Variants in REN observed in about 807,000 individuals in gnomAD.
REN encodes angiotensin-forming enzyme.
In REN, 42 loss-of-function variants were observed where a neutral mutation model predicts 48.6. That is an observed-to-expected ratio of 0.86 (90% CI 0.68 to 1.12). The LOEUF is 1.12. REN is among the 50% of genes most tolerant of loss of function. The pLI is 0.00. For synonymous variants in REN, 196 were observed against 204.6 expected, an observed-to-expected ratio of 0.96 and a Z score of 0.36; for missense variants, 443 against 527.3, an observed-to-expected ratio of 0.84 and a Z score of 1.57.
rs1372585009 is a variant in REN at position 204,154,988 on chromosome 1, G to A, written c.*28C>T. ...TTCCAGCTCTGGGCCAGGGCTGAAG[G>A]CAGGGCCTGCCTGGGTGGCAGAGGG... On this transcript the variant is annotated 3_prime_UTR_variant, in exon 10 of 10. Coordinates refer to ENST00000272190, the MANE Select transcript of REN (RefSeq NM_000537.4). 2.5e-6 allele frequency: 4 copies of A among 1,612,502 alleles called. No homozygotes were observed. The South Asian group carries it at 4.4e-5, about 18-fold the overall frequency.
rs1023420077 is a variant in REN at position 204,155,800 on chromosome 1, G to A, written c.1059+20C>T. 4 of 1,592,144 alleles carry A rather than the reference G, an allele frequency of 2.5e-6. No homozygotes were observed. The highest frequency in any genetic ancestry group is 2.6e-6 in the Non-Finnish European group (3 of 1,161,990). Reference sequence around the variant, plus strand: ...TCCAGCCTTTCTCCCTGCCACCGAGGGGGCCGACTCGAACCTCACCTGAAA... The same window carrying A: ...TCCAGCCTTTCTCCCTGCCACCGAGAGGGCCGACTCGAACCTCACCTGAAA... On this transcript the variant is annotated intron_variant, in intron 9 of 9. Transcript: ENST00000272190.
rs1280455872 is a variant in REN at position 204,161,361 on chromosome 1, C to T, written c.304G>A (p.Val102Ile). The change falls in exon 3 of 10, where the codon GTC becomes ATC. Residue 102 changes from valine to isoleucine, a missense_variant. Physicochemically the swap from Val to Ile is conservative, Grantham distance 29 (BLOSUM62 3). Coordinates refer to ENST00000272190, the MANE Select transcript of REN (RefSeq NM_000537.4). ...IGTPPQTFKVVFDTGSSNVWV... is the reference protein window; with the variant it reads ...IGTPPQTFKVIFDTGSSNVWV... ...ACATTGGACGAACCAGTGTCAAAGA[C>T]GACTTTGAAGGTCTGGGGTGGGGTG... 1.7e-5 allele frequency: 28 copies of T among 1,607,580 alleles called. No homozygotes were observed. The highest frequency in any genetic ancestry group is 6.7e-5 in the East Asian group (3 of 44,656).
chr1:204,161,241 C>A (rs762703561), intron 3 of REN, 51 bp downstream of exon 3: 1 of 1,539,016 alleles, frequency 6.5e-7, no homozygotes, highest in Admixed American at 1.9e-5. Context: ...ATTGCTCATG[C>A]ACAGTAGGGC....
chr1:204,163,060 G>C (rs893336018), intron 1 of REN, among the ~76,000 whole-genome samples: 1 of 152,162 alleles, frequency 6.6e-6, no homozygotes, highest in Non-Finnish European at 1.5e-5. Context: ...TCCCATATAG[G>C]GTCCCCTGGG....
Position 204,161,421 on chromosome 1 carries a change from G to A in REN, c.250-6C>T, listed in dbSNP as rs376229422. ...ATCTCGCCATAGTACTGGGTCTGTG[G>A]GGGTAAAAAGAGAGGGCTGGAGGGG... On this transcript the variant is annotated splice_region_variant and splice_polypyrimidine_tract_variant and intron_variant, in intron 2 of 9. Transcript: ENST00000272190. The A allele has an allele frequency of 4.2e-5, 65 of 1,540,628 alleles. No homozygotes were observed. The highest frequency in any genetic ancestry group is 6.9e-5 in the African/African-American group (5 of 72,638).
At chr1:204,163,607 A>C (rs1658287688) in intron 1 of REN, among the ~76,000 whole-genome samples, 1 of 151,574 alleles carries the variant, frequency 6.6e-6, no homozygotes, top group African/African-American at 2.4e-5. Flanking sequence ...CCAGTTCTTT[A>C]GTCCTCCAAG....
chr1:204,156,879 G>C lies in REN; in HGVS notation c.699-83C>G. 1 of 1,562,712 alleles carries C rather than the reference G, an allele frequency of 6.4e-7. No homozygotes were observed. Among genetic ancestry groups the C allele is most frequent in the Non-Finnish European group, 8.7e-7 (1 of 1,143,310 alleles). On this transcript the variant is annotated intron_variant, in intron 6 of 9. Coordinates refer to ENST00000272190, the MANE Select transcript of REN (RefSeq NM_000537.4). This position sits in a 1 kb window ranked among gnomAD's most constrained non-coding sequence, Gnocchi z 4.2. The stretch of plus-strand genomic sequence containing the variant: ...GGCAATTGGGGAAGGTTGCACAAGG[G>C]TGCAGGGGAGGACAGAGGGCTCTAG...
rs1369891725 is a variant in REN at position 204,159,437 on chromosome 1, C to T, written c.651G>A (p.Gly217=). The change falls in exon 5 of 10, where the codon GGG becomes GGA. Residue 217 remains glycine, a synonymous_variant. Transcript: ENST00000272190. The part of the protein sequence containing the change: ...TPIFDNIISQ[G]VLKEDVFSFY... ...AAGAGAAGACGTCCTCTTTTAGCAC[C>T]CCTTGGGAGATGATGTTGTCGAAGA... The T allele has an allele frequency of 6.2e-7, 1 of 1,614,122 alleles. No homozygotes were observed. The highest frequency in any genetic ancestry group is 8.5e-7 in the Non-Finnish European group (1 of 1,180,032).
rs756902330 is a variant in REN at position 204,159,390 on chromosome 1, A to C, written c.689+9T>G. The C allele has an allele frequency of 5.6e-6, 9 of 1,612,438 alleles. No homozygotes were observed. Among genetic ancestry groups the C allele is most frequent in the Non-Finnish European group, 1.7e-6 (2 of 1,179,240 alleles). On this transcript the variant is annotated intron_variant, in intron 5 of 9. Transcript: ENST00000272190. ...CCCCCACCTCAGCCCTTGGAGTCCCAGTCCCCACCTGTTGTAGTAGAAAGA... is the reference window on the plus strand; with the variant it reads ...CCCCCACCTCAGCCCTTGGAGTCCCCGTCCCCACCTGTTGTAGTAGAAAGA...
At chr1:204,164,909 G>A (rs1044106015) in intron 1 of REN, among the ~76,000 whole-genome samples, 10 of 151,808 alleles carry the variant, frequency 6.6e-5, no homozygotes, top group Admixed American at 5.9e-4. Flanking sequence ...CACAAGGCCT[G>A]GCACCTAGGG....
intron 6 of REN, 115 bp downstream of exon 6, chr1:204,157,246 T>G (rs1658166446): frequency 7.3e-7 from 1 of 1,370,104 alleles, no homozygotes; most frequent in Admixed American, 1.7e-5. Flanking sequence ...CTTCGGCATC[T>G]AGCGGAGGCT....
rs367805555 is a variant in REN, at chr1:204,160,573, T to C, written c.479A>G (p.Gln160Arg). The change falls in exon 4 of 10, where the codon CAG (glutamine) becomes CGG (arginine). Residue 160 changes from glutamine to arginine, a missense_variant. Physicochemically the swap from Gln to Arg is conservative, Grantham distance 43 (BLOSUM62 1). Coordinates refer to ENST00000272190, the MANE Select transcript of REN (RefSeq NM_000537.4). ...STGTVSGFLS[Q>R]DIITVGGITV... ...GGCCCAACTTACGGTGATGATGTCC[T>C]GGCTGAGAAAGCCACTGACTGTCCC... 103 of 1,613,434 alleles carry C rather than the reference T, an allele frequency of 6.4e-5. No homozygotes were observed. The highest frequency in any genetic ancestry group is 8.4e-5 in the Non-Finnish European group (99 of 1,179,420).
intron 1 of REN, among the ~76,000 whole-genome samples, chr1:204,165,434 A>T (rs984925197): frequency 1.6e-4 from 25 of 152,210 alleles, no homozygotes; most frequent in Non-Finnish European, 3.2e-4. Flanking sequence ...ATAAACTGAG[A>T]CTTGGAGAGG....
rs753232462 is a variant in REN at position 204,155,025 on chromosome 1, C to T, written c.1212G>A (p.Leu404=). 3.0e-5 allele frequency: 48 copies of T among 1,613,896 alleles called. No homozygotes were observed. In the South Asian group the frequency reaches 5.2e-4, roughly 17 times the overall value. Residue 404 remains leucine (L), a synonymous_variant, in exon 10 of 10, where the codon TTG becomes TTA. Transcript: ENST00000272190. ...TGGGTGGCAGAGGGCCTCAGCGGGC[C>T]AAGGCGAAGCCAATGCGGTTGTTAC... The part of the protein sequence containing the change: ...DRRNNRIGFA[L]AR
intron 9 of REN, among the ~76,000 whole-genome samples, chr1:204,155,391 A>G (rs964605578): frequency 2.0e-5 from 3 of 152,182 alleles, no homozygotes; most frequent in Non-Finnish European, 4.4e-5. Flanking sequence ...CCAGGCAAAC[A>G]ATGCATCAGG....
At chr1:204,159,830 T>TG (rs1306409366) in intron 4 of REN, among the ~76,000 whole-genome samples, 2 of 151,782 alleles carry the variant, frequency 1.3e-5, no homozygotes, top group Non-Finnish European at 2.9e-5. Context: ...GCTGAGAGGG[T>TG]GGTCCTGCCA....
At chr1:204,161,158 T>G (rs775169823) in intron 3 of REN, 134 bp downstream of exon 3, 5 of 1,010,524 alleles carry the variant, frequency 4.9e-6, no homozygotes, top group Non-Finnish European at 7.1e-6. Context: ...CCCCTACATG[T>G]CAGTGGGCAC....
chr1:204,160,354 G>A (rs759458661), intron 4 of REN, among the ~76,000 whole-genome samples: 1 of 152,310 alleles, frequency 6.6e-6, no homozygotes, highest in African/African-American at 2.4e-5. Context: ...ACCACCCAAC[G>A]GTGAGCCCGT....
At chr1:204,166,006 T>C (rs1658343070) in intron 1 of REN, among the ~76,000 whole-genome samples, 190 bp downstream of exon 1, 1 of 152,196 alleles carries the variant, frequency 6.6e-6, no homozygotes, top group African/African-American at 2.4e-5. Context: ...GAAGCAAAAG[T>C]CACAGCTTCT....
Sources: allele counts gnomAD v4.1 joint callset (sites outside exome capture counted in the v4.1 genomes callset), GRCh38; gene constraint gnomAD v4.1.1; non-coding constraint Gnocchi (gnomAD v3.1); transcripts MANE v1.5; gene names NCBI Gene and HGNC (gene_info 2026-07-23, HGNC 2026-07-21).